CALCR: variants seen among roughly 807,000 people sequenced by gnomAD.
The protein encoded by CALCR is calcitonin receptor.
In CALCR, 47 loss-of-function variants were observed where a neutral mutation model predicts 59.5. The observed-to-expected ratio is 0.79, with a 90% CI of 0.63 to 1.01. The LOEUF is 1.01. Ranked by LOEUF, CALCR falls within the 50% of genes least tolerant of loss-of-function variation. The probability of loss-of-function intolerance (pLI) is 0.00; values close to 1 mark genes in which losing one functional copy is unlikely to be tolerated. For missense variants in CALCR, 566 were observed against 597.1 expected, an observed-to-expected ratio of 0.95 and a Z score of 0.54; for synonymous variants, 213 against 211.3, an observed-to-expected ratio of 1.01 and a Z score of -0.07.
Position 93,460,022 on chromosome 7 carries a change from T to C in CALCR, c.648+799A>G, listed in dbSNP as rs556705584. Among the ~76,000 whole-genome samples, 9 of 152,266 alleles carry C rather than the reference T, an allele frequency of 5.9e-5. No individual in the cohort carries two copies. The East Asian group carries it at 1.6e-3, about 26-fold the overall frequency. On this transcript the variant is annotated intron_variant, in intron 8 of 13. Coordinates refer to ENST00000426151, the MANE Select transcript of CALCR (RefSeq NM_001742.4). ...CAAAGCATAATGACACAAAACATGA[T>C]CATATTTATATGGTTCATTAGCAAA...
intron 9 of CALCR, among the ~76,000 whole-genome samples, chr7:93,440,104 T>C (rs1163014070): frequency 6.6e-6 from 1 of 152,164 alleles, no homozygotes; most frequent in Non-Finnish European, 1.5e-5. Flanking sequence ...ATTAAATGAA[T>C]GGGCTTTACA....
At chr7:93,499,828 T>C (rs906605741) in intron 2 of CALCR, among the ~76,000 whole-genome samples, 2 of 151,850 alleles carry the variant, frequency 1.3e-5, no homozygotes, top group African/African-American at 4.8e-5. Context: ...TTAAGCCAAG[T>C]TTTAAAATAT....
chr7:93,491,911 A>C (rs1468908962), intron 2 of CALCR, among the ~76,000 whole-genome samples: 1 of 151,986 alleles, frequency 6.6e-6, no homozygotes, highest in Non-Finnish European at 1.5e-5. Flanking sequence ...GTATATACCC[A>C]AAGGAATGCA....
At chr7:93,457,097 C>G (rs777231574) in intron 8 of CALCR, among the ~76,000 whole-genome samples, 1 of 152,000 alleles carries the variant, frequency 6.6e-6, no homozygotes, top group Non-Finnish European at 1.5e-5. Flanking sequence ...AAAAAGCCTA[C>G]GAAAGTGGAA....
intron 2 of CALCR, among the ~76,000 whole-genome samples, chr7:93,546,830 G>A (rs908194834): frequency 6.6e-6 from 1 of 151,890 alleles, no homozygotes; most frequent in African/African-American, 2.4e-5. Flanking sequence ...CAAAGTGCTG[G>A]GATTACAGGC....
intron 2 of CALCR, among the ~76,000 whole-genome samples, chr7:93,505,565 T>G (rs1011878852): frequency 3.3e-5 from 5 of 152,182 alleles, no homozygotes; most frequent in East Asian, 3.9e-4. Flanking sequence ...AACATTTCAC[T>G]ATGTCTTTCT....
At chr7:93,485,069 A>G (rs982092509) in intron 3 of CALCR, among the ~76,000 whole-genome samples, 2 of 151,718 alleles carry the variant, frequency 1.3e-5, no homozygotes, top group African/African-American at 4.8e-5. Context: ...CATTGTCATT[A>G]AAATTTTTTT....
At chr7:93,546,347 C>G (rs1033851193) in intron 2 of CALCR, among the ~76,000 whole-genome samples, 13 of 152,006 alleles carry the variant, frequency 8.6e-5, no homozygotes, top group Non-Finnish European at 1.9e-4. Context: ...GACTGATTAC[C>G]CTTTATCTTA....
intron 2 of CALCR, among the ~76,000 whole-genome samples, chr7:93,497,626 A>G (rs533734890): frequency 1.3e-5 from 2 of 151,694 alleles, no homozygotes; most frequent in Admixed American, 6.6e-5. Flanking sequence ...TGTTTTAACA[A>G]TATCCCTGAC....
In CALCR at chr7:93,556,669, A is replaced by C. The variant is rs181480648; in HGVS notation, c.-27+17620T>G. Among the ~76,000 whole-genome samples, 266 of 151,104 alleles carry C rather than the reference A, an allele frequency of 1.8e-3. 3 individuals are homozygous for C. Among genetic ancestry groups the C allele is most frequent in the Middle Eastern group, 0.014 (4 of 294 alleles). ...ACACAACAGGATCTTTTTTATCTAT[A>C]TATATATATTTTTTCCTGAAACTTT... is the stretch of plus-strand genomic sequence containing the variant. On this transcript the variant is annotated intron_variant, in intron 2 of 13. Coordinates refer to ENST00000426151, the MANE Select transcript of CALCR (RefSeq NM_001742.4).
At chr7:93,481,974 A>T (rs182057199) in intron 3 of CALCR, among the ~76,000 whole-genome samples, 3 of 152,000 alleles carry the variant, frequency 2.0e-5, no homozygotes, top group Non-Finnish European at 4.4e-5. Context: ...TGAATAAAAT[A>T]AGTGTAGACT....
chr7:93,447,881 C>T (rs1021977044), intron 8 of CALCR, among the ~76,000 whole-genome samples: 1 of 151,874 alleles, frequency 6.6e-6, no homozygotes, highest in Non-Finnish European at 1.5e-5. Flanking sequence ...TCTTTGAAAC[C>T]ATAGAGTAGG....
intron 8 of CALCR, among the ~76,000 whole-genome samples, chr7:93,456,650 T>TA (rs890280352): frequency 6.6e-6 from 1 of 152,130 alleles, no homozygotes; most frequent in Admixed American, 6.6e-5. Context: ...ATTGATGGGA[T>TA]AAAATTCTAT....
Position 93,443,729 on chromosome 7 carries a change from T to A in CALCR, c.677A>T (p.His226Leu). ...ATAGTTGCAGGCCATCATGTACTGG[T>A]GGAAAAAATGCAAAATCTTGCAGCT... Reference protein sequence around the residue: ...PVSCKILHFFHQYMMACNYFW... With the variant: ...PVSCKILHFFLQYMMACNYFW... The change falls in exon 9 of 14, where the codon CAC becomes CTC. Residue 226 changes from histidine to leucine, a missense_variant. By Grantham distance (99) the His-to-Leu change is moderately conservative. Coordinates refer to ENST00000426151, the MANE Select transcript of CALCR (RefSeq NM_001742.4). 6.2e-7 allele frequency: 1 copy of A among 1,612,876 alleles called. No individual in the cohort carries two copies. The highest frequency in any genetic ancestry group is 8.5e-7 in the Non-Finnish European group (1 of 1,179,270).
In CALCR at chr7:93,462,104, C is replaced by T. The variant is rs1261972196; in HGVS notation, c.522-1157G>A. On this transcript the variant is annotated intron_variant, in intron 7 of 13. Coordinates refer to ENST00000426151, the MANE Select transcript of CALCR (RefSeq NM_001742.4). ...TCCAATTCAAAGGAAAAATAGTTGT[C>T]AATTTTCTGCAATAAAAAGCAATTT... 6.1e-6 allele frequency: 9 copies of T among 1,484,838 alleles called. No individual in the cohort carries two copies. The South Asian group carries it at 6.3e-5, about 10-fold the overall frequency. The allele number at this position is 1,484,838 out of a possible 1,614,324, so 92.0% of individuals were successfully genotyped here. A position where few individuals can be genotyped will look rare whatever the true frequency, so the allele number is the denominator to read the frequency against.
At chr7:93,517,466 T>C (rs13235704) in intron 2 of CALCR, among the ~76,000 whole-genome samples, 3 of 151,902 alleles carry the variant, frequency 2.0e-5, no homozygotes, top group Non-Finnish European at 2.9e-5. Context: ...TTTGTTTCCA[T>C]AAATTATTAC....
chr7:93,558,666 T>C (rs1400702371), intron 2 of CALCR, among the ~76,000 whole-genome samples: 1 of 152,094 alleles, frequency 6.6e-6, no homozygotes, highest in African/African-American at 2.4e-5. Flanking sequence ...CTTTCTCATA[T>C]AAATTTGGAA....
At chr7:93,566,383 G>A (rs760127891) in intron 2 of CALCR, among the ~76,000 whole-genome samples, 10 of 152,218 alleles carry the variant, frequency 6.6e-5, no homozygotes, top group South Asian at 2.1e-4. Flanking sequence ...TCACAGTTCC[G>A]GTGGCCTGAT....
intron 6 of CALCR, among the ~76,000 whole-genome samples, chr7:93,470,258 T>TACAC (rs60525647): frequency 0.014 from 2,090 of 147,804 alleles, 10 homozygotes; most frequent in Non-Finnish European, 0.02. Flanking sequence ...AGGAATCTTA[T>TACAC]ACACACACAC....
Sources: allele counts gnomAD v4.1 joint callset (sites outside exome capture counted in the v4.1 genomes callset), GRCh38; gene constraint gnomAD v4.1.1; transcripts MANE v1.5; gene names NCBI Gene and HGNC (gene_info 2026-07-23, HGNC 2026-07-21).